BEND7: variants seen among roughly 807,000 people sequenced by gnomAD.
BEND7 encodes BEN domain-containing protein 7.
In BEND7, 28 loss-of-function variants were observed where a neutral mutation model predicts 50.9. The ratio of observed to expected loss-of-function variants is 0.55; its 90% CI spans 0.41 to 0.75. The LOEUF is 0.75. Ranked by LOEUF, BEND7 falls within the 30% of genes least tolerant of loss-of-function variation. The pLI is 0.00. For synonymous variants in BEND7, 170 were observed against 183.9 expected (o/e 0.92, Z 0.61); for missense variants, 477 against 491.3 (o/e 0.97, Z 0.28).
chr10:13,454,056 G>A (rs1339246963), intron 6 of BEND7, among the ~76,000 whole-genome samples: 1 of 152,202 alleles, frequency 6.6e-6, no homozygotes, highest in African/African-American at 2.4e-5. Context: ...GAGCAGCAGG[G>A]AGTTCCCCTT....
chr10:13,450,836 G>T (rs879282444), intron 7 of BEND7, among the ~76,000 whole-genome samples: 1 of 152,010 alleles, frequency 6.6e-6, no homozygotes, highest in South Asian at 2.1e-4. Context: ...GGGCAAACCT[G>T]GGGGGAAATG....
intron 6 of BEND7, among the ~76,000 whole-genome samples, chr10:13,456,159 C>T (rs564757618): frequency 3.3e-5 from 5 of 152,234 alleles, no homozygotes; most frequent in South Asian, 4.1e-4. Flanking sequence ...CTAGGAAGGA[C>T]GTGAATACAG....
At chr10:13,502,892 T>C in intron 2 of BEND7, 1 of 985,674 alleles carries the variant, frequency 1.0e-6, no homozygotes. Flanking sequence ...AGCTTGCTTC[T>C]CTACACTAAC....
chr10:13,501,039 T>C (rs957129352), intron 2 of BEND7, among the ~76,000 whole-genome samples: 5 of 152,010 alleles, frequency 3.3e-5, no homozygotes, highest in Non-Finnish European at 5.9e-5. Flanking sequence ...GCACTGGGAG[T>C]ACTTAATAAA....
intron 2 of BEND7, among the ~76,000 whole-genome samples, chr10:13,522,487 C>G (rs1052516897): frequency 1.3e-5 from 2 of 152,160 alleles, no homozygotes; most frequent in African/African-American, 4.8e-5. Flanking sequence ...CTGACTACCC[C>G]ACAGGTATAT....
intron 2 of BEND7, among the ~76,000 whole-genome samples, chr10:13,521,081 G>A (rs777506599): frequency 3.3e-5 from 5 of 152,066 alleles, no homozygotes; most frequent in Non-Finnish European, 7.4e-5. Flanking sequence ...AGTGACTGGG[G>A]GCGCCCTAAC....
chr10:13,525,320 T>C (rs1434265133), intron 2 of BEND7, among the ~76,000 whole-genome samples: 1 of 152,236 alleles, frequency 6.6e-6, no homozygotes, highest in African/African-American at 2.4e-5. Context: ...AAGTCTTTCC[T>C]GTACAGTATT....
At chr10:13,500,715 C>T (rs925770845) in intron 2 of BEND7, 13 of 985,456 alleles carry the variant, frequency 1.3e-5, no homozygotes, top group African/African-American at 1.7e-5. Context: ...AGAGAGGCGC[C>T]GAGTGTGGCA....
At chr10:13,491,324 A>AG (rs1241898490) in intron 5 of BEND7, among the ~76,000 whole-genome samples, 3 of 151,834 alleles carry the variant, frequency 2.0e-5, no homozygotes, top group African/African-American at 7.3e-5. Flanking sequence ...AAAAAAAAAA[A>AG]AAAAAAAATG....
chr10:13,439,034 C>A, downstream of BEND7: 1 of 846,274 alleles, frequency 1.2e-6, no homozygotes, highest in Admixed American at 2.7e-5. Flanking sequence ...TCAGTCCACT[C>A]TTGCTGGGCA....
intron 6 of BEND7, among the ~76,000 whole-genome samples, chr10:13,461,935 G>A (rs1244344579): frequency 1.3e-5 from 2 of 152,016 alleles, no homozygotes; most frequent in Non-Finnish European, 2.9e-5. Flanking sequence ...GAAAAGAAAA[G>A]AAAAACAGGC....
In BEND7 at chr10:13,520,243, CG is replaced by C. The variant is rs777054487; in HGVS notation, c.145+5894del. Among the ~76,000 whole-genome samples the C allele has an allele frequency of 6.6e-4, 100 of 152,212 alleles. No individual in the cohort carries two copies. The Middle Eastern group carries it at 0.017, about 26-fold the overall frequency. ...TCTCAGTGTTAAATGAGATAAAGTT[CG>C]GAAGTGCCCAGCACACACCGGAGGC... On this transcript the variant is annotated intron_variant, in intron 2 of 8. Transcript: ENST00000466271.
chr10:13,481,460 A>G (rs1288378306), intron 5 of BEND7, among the ~76,000 whole-genome samples: 1 of 151,848 alleles, frequency 6.6e-6, no homozygotes, highest in Non-Finnish European at 1.5e-5. Flanking sequence ...TTTGTAAACA[A>G]AGGAACTAAG....
At chr10:13,457,283 ACT>A (rs1472816073) in intron 6 of BEND7, among the ~76,000 whole-genome samples, 5 of 151,818 alleles carry the variant, frequency 3.3e-5, no homozygotes, top group African/African-American at 1.2e-4. Context: ...GAGGCTGTGG[ACT>A]CTCTGCTCCC....
chr10:13,495,525 G>A (rs1448473621), intron 4 of BEND7, among the ~76,000 whole-genome samples: 1 of 152,178 alleles, frequency 6.6e-6, no homozygotes, highest in Non-Finnish European at 1.5e-5. Context: ...AGCCAGGCGT[G>A]GTGGCACATG....
intron 6 of BEND7, among the ~76,000 whole-genome samples, chr10:13,465,251 A>C (rs188458828): frequency 6.6e-6 from 1 of 152,370 alleles, no homozygotes; most frequent in East Asian, 1.9e-4. Flanking sequence ...AGTTCATTTC[A>C]GATTCGGTTT....
In BEND7 at chr10:13,490,705, G is replaced by A. The variant is rs75232887; in HGVS notation, c.837+1906C>T. On this transcript the variant is annotated intron_variant, in intron 5 of 8. Transcript: ENST00000466271. Reference sequence around the variant, plus strand: ...AGATAAAGGCTGAAGGCCTCACCTGGACTTTCACTCTCTCACCCCACCCTG... The same window carrying A: ...AGATAAAGGCTGAAGGCCTCACCTGAACTTTCACTCTCTCACCCCACCCTG... Among the ~76,000 whole-genome samples, 1,205 of 152,334 alleles carry A rather than the reference G, an allele frequency of 7.9e-3. 4 individuals carry two copies. The highest frequency in any genetic ancestry group is 0.012 in the Non-Finnish European group (804 of 68,032).
intron 5 of BEND7, among the ~76,000 whole-genome samples, chr10:13,483,853 C>T (rs2076037581): frequency 6.6e-6 from 1 of 152,088 alleles, no homozygotes; most frequent in African/African-American, 2.4e-5. Flanking sequence ...GCTCTTGGGG[C>T]TCAGGAGGGG....
At chr10:13,475,229 T>C (rs1588827336) in intron 6 of BEND7, among the ~76,000 whole-genome samples, 1 of 152,216 alleles carries the variant, frequency 6.6e-6, no homozygotes, top group Non-Finnish European at 1.5e-5. Flanking sequence ...ATATTTCTGA[T>C]GTAATTATAC....
Sources: allele counts gnomAD v4.1 joint callset (sites outside exome capture counted in the v4.1 genomes callset), GRCh38; gene constraint gnomAD v4.1.1; transcripts MANE v1.5; gene names NCBI Gene and HGNC (gene_info 2026-07-23, HGNC 2026-07-21).